Variants in CP observed in about 807,000 individuals in gnomAD.
CP encodes caeruloplasmin.
CP carries 64 observed loss-of-function variants against 122.4 expected under a neutral mutation model. That is an observed-to-expected ratio of 0.52 (90% CI 0.43 to 0.64). The LOEUF (loss-of-function observed/expected upper bound fraction) is 0.64. Among genes scored for constraint, CP ranks in the 30% least tolerant of loss-of-function variants. CP has a pLI of 0.00. For missense variants in CP, 1,167 were observed against 1,284.4 expected (o/e 0.91, Z 1.40); for synonymous variants, 440 against 436.4 (o/e 1.01, Z -0.10).
intron 7 of CP, 155 bp from the exon 8 acceptor site, chr3:149,200,019 TAATC>T: frequency 1.4e-6 from 1 of 733,956 alleles, no homozygotes; most frequent in Non-Finnish European, 2.3e-6. Flanking sequence ...GAGAAGTCCA[TAATC>T]AATCTGATAT....
chr3:149,168,242 C>A, downstream of CP: 1 of 418,842 alleles, frequency 2.4e-6, no homozygotes, highest in Non-Finnish European at 4.4e-6. Context: ...AAAATGACAG[C>A]ATCAGTGTTT....
At chr3:149,190,423 C>G (rs1022435108) in intron 9 of CP, among the ~76,000 whole-genome samples, 1 of 151,958 alleles carries the variant, frequency 6.6e-6, no homozygotes, top group African/African-American at 2.4e-5. Context: ...TTTGGGAGAC[C>G]GAGGCAGGCA....
chr3:149,210,845 A>G (rs1728056696), intron 2 of CP, among the ~76,000 whole-genome samples: 1 of 152,150 alleles, frequency 6.6e-6, no homozygotes, highest in Admixed American at 6.5e-5. Flanking sequence ...CAGCTTTAAC[A>G]ATGATCGACT....
downstream of CP, among the ~76,000 whole-genome samples, chr3:149,171,698 CTTT>C (rs1170000443): frequency 1.7e-5 from 2 of 118,260 alleles, no homozygotes; most frequent in Non-Finnish European, 1.7e-5. Flanking sequence ...GAACTGGCTT[CTTT>C]TTTTTTTTTT....
At chr3:149,174,128 A>G (rs995681804) in intron 18 of CP, among the ~76,000 whole-genome samples, 3 of 152,180 alleles carry the variant, frequency 2.0e-5, no homozygotes, top group Non-Finnish European at 2.9e-5. Context: ...AAATCTAATC[A>G]TAAGGAAACA....
chr3:149,172,056 A>T (rs1185514721), downstream of CP: 6 of 1,599,928 alleles, frequency 3.8e-6, no homozygotes, highest in East Asian at 1.3e-4. Context: ...AATGAAAGAC[A>T]GACTTTCAAT....
downstream of CP, chr3:149,171,981 A>C: frequency 4.7e-5 from 45 of 954,064 alleles, no homozygotes; most frequent in Non-Finnish European, 6.1e-5. Flanking sequence ...CTGGGATTAC[A>C]GGCGTGAGCC....
At chr3:149,210,432 G>T in intron 2 of CP, 53 bp from the exon 3 acceptor site, 1 of 1,413,558 alleles carries the variant, frequency 7.1e-7, no homozygotes, top group Non-Finnish European at 1.0e-6. Context: ...GAACTTAAAT[G>T]AGAGAATAGA....
At chr3:149,172,120 A>T, downstream of CP, 1 of 1,613,058 alleles carries the variant, frequency 6.2e-7, no homozygotes, top group Non-Finnish European at 8.5e-7. Flanking sequence ...TTGCTGTGGA[A>T]CTAGAACTGA....
rs375333181 is a variant in CP, at chr3:149,187,871, G to C, written c.1864+181C>G. On this transcript the variant is annotated intron_variant, in intron 10 of 18. Transcript: ENST00000264613. ...GTAATTGACATATCTTGAATTAAGT[G>C]AAATAATGGATAACTGACAGACACA... is the stretch of plus-strand genomic sequence containing the variant. The C allele has an allele frequency of 8.4e-4, 541 of 643,504 alleles. 9 individuals carry two copies. In the South Asian group the frequency reaches 9.4e-3, roughly 11 times the overall value. 39.9% of individuals were successfully genotyped at this position (643,504 alleles called of 1,614,324 possible). A position where few individuals can be genotyped will look rare whatever the true frequency, so the allele number is the denominator to read the frequency against.
intron 16 of CP, 22 bp from the exon 17 acceptor site, chr3:149,178,001 A>G (rs376776195): frequency 1.9e-6 from 3 of 1,608,878 alleles, no homozygotes; most frequent in Non-Finnish European, 2.6e-6. Context: ...ATATGGTTTT[A>G]TGTTACTTTT....
rs1285095006 is a variant in CP, at chr3:149,172,876, C to T, written c.*838G>A. 8 of 149,730 alleles carry T rather than the reference C, an allele frequency of 5.3e-5. No individual in the cohort carries two copies. The highest frequency in any genetic ancestry group is 2.1e-4 in the African/African-American group (8 of 38,680). The allele number at this position is 149,730 out of a possible 1,614,324, so 9.3% of individuals were successfully genotyped here. A position where few individuals can be genotyped will look rare whatever the true frequency, so the allele number is the denominator to read the frequency against. ...AATGCATGTTTTTTTCAGCCAAAGC[C>T]TTGTTTCCATTTTTGTTGATGTGTA... On this transcript the variant is annotated 3_prime_UTR_variant, in exon 19 of 19. Transcript: ENST00000264613.
At chr3:149,197,219 A>G (rs1228371215) in intron 9 of CP, among the ~76,000 whole-genome samples, 1 of 152,202 alleles carries the variant, frequency 6.6e-6, no homozygotes, top group Non-Finnish European at 1.5e-5. Flanking sequence ...TGTTGCTCAC[A>G]CAAAGCCTGT....
At chr3:149,163,746 A>T in intron 5 of CP, 1 of 727,824 alleles carries the variant, frequency 1.4e-6, no homozygotes, top group South Asian at 1.5e-5. Flanking sequence ...ATTCTATGAC[A>T]TGGCAGAGAA....
At chr3:149,177,386 A>G (rs896491849) in intron 17 of CP, among the ~76,000 whole-genome samples, 6 of 152,196 alleles carry the variant, frequency 3.9e-5, no homozygotes, top group Non-Finnish European at 5.9e-5. Context: ...CTAGTGTGTC[A>G]ATTGAAATTG....
chr3:149,163,795 GCTTTT>G lies in CP; in HGVS notation c.*14-925_*14-921del, dbSNP rs767563274. On this transcript the variant is annotated intron_variant, in intron 5 of 5. Coordinates refer to the CP transcript ENST00000479771. ...TGCTCTTTGTGGAATGGATAAGCAAGCTTTTGTTGTTATATTTTGTTTATGAGAAA... is the reference window on the plus strand; with the variant it reads ...TGCTCTTTGTGGAATGGATAAGCAAGGTTGTTATATTTTGTTTATGAGAAA... The G allele has an allele frequency of 2.1e-5, 22 of 1,031,286 alleles. No individual in the cohort carries two copies. The African/African-American group carries it at 2.8e-4, about 13-fold the overall frequency. 63.9% of individuals were successfully genotyped at this position (1,031,286 alleles called of 1,614,324 possible).
chr3:149,202,386 ACT>A, intron 6 of CP, 145 bp from the exon 7 acceptor site: 1 of 1,017,920 alleles, frequency 9.8e-7, no homozygotes, highest in South Asian at 1.3e-5. Context: ...CGTACCAGTT[ACT>A]CAAACAAAGC....
At chr3:149,176,204 T>TA (rs773057393) in intron 18 of CP, 46 bp downstream of exon 18, 1 of 1,574,996 alleles carries the variant, frequency 6.3e-7, no homozygotes, top group Non-Finnish European at 8.7e-7. Context: ...TTCCTTTAGT[T>TA]ATATCTTTTA....
chr3:149,189,965 A>G (rs1385703736), intron 9 of CP, among the ~76,000 whole-genome samples: 4 of 152,216 alleles, frequency 2.6e-5, no homozygotes, highest in Non-Finnish European at 5.9e-5. Flanking sequence ...GTAAAGAAAA[A>G]TGTATAGAAT....
Sources: allele counts gnomAD v4.1 joint callset (sites outside exome capture counted in the v4.1 genomes callset), GRCh38; gene constraint gnomAD v4.1.1; transcripts MANE v1.5; gene names NCBI Gene and HGNC (gene_info 2026-07-23, HGNC 2026-07-21).